Variants in BABAM2 observed in about 807,000 individuals in gnomAD.
The protein encoded by BABAM2 is BRISC and BRCA1-A complex member 2.
In BABAM2, 31 loss-of-function variants were observed where a neutral mutation model predicts 54.7. The ratio of observed to expected loss-of-function variants is 0.57; its 90% CI spans 0.43 to 0.77. The LOEUF is 0.77. Ranked by LOEUF, BABAM2 falls within the 30% of genes least tolerant of loss-of-function variation. The pLI is 0.00. For synonymous variants in BABAM2, 167 were observed against 162.9 expected, an observed-to-expected ratio of 1.03 and a Z score of -0.19; for missense variants, 364 against 455.8, an observed-to-expected ratio of 0.80 and a Z score of 1.83.
chr2:28,053,114 C>T (rs1678124189), intron 6 of BABAM2, among the ~76,000 whole-genome samples: 1 of 152,124 alleles, frequency 6.6e-6, no homozygotes, highest in Non-Finnish European at 1.5e-5. Context: ...TTTTTCAGCA[C>T]ATGTAAGATA....
At chr2:28,098,670 T>C (rs891274445) in intron 6 of BABAM2, among the ~76,000 whole-genome samples, 2 of 152,186 alleles carry the variant, frequency 1.3e-5, no homozygotes, top group African/African-American at 4.8e-5. Context: ...TGGATTAAGG[T>C]GTAAACGTGA....
intron 7 of BABAM2, among the ~76,000 whole-genome samples, chr2:28,192,423 T>C (rs1677022041): frequency 6.9e-6 from 1 of 145,838 alleles, no homozygotes; most frequent in Non-Finnish European, 1.5e-5. Context: ...TGTGCACATG[T>C]ACCCTGGAAC....
At chr2:27,973,213 A>G (rs1671352128) in intron 3 of BABAM2, among the ~76,000 whole-genome samples, 1 of 152,182 alleles carries the variant, frequency 6.6e-6, no homozygotes, top group Non-Finnish European at 1.5e-5. Context: ...ATTATCAGAC[A>G]TACTAAGAAG....
intron 5 of BABAM2, among the ~76,000 whole-genome samples, chr2:28,043,541 G>C (rs1677304094): frequency 6.6e-6 from 1 of 152,126 alleles, no homozygotes; most frequent in African/African-American, 2.4e-5. Flanking sequence ...TGGGCTAGGT[G>C]TCCCTTTTAT....
chr2:28,206,770 C>T (rs775759186), intron 7 of BABAM2, among the ~76,000 whole-genome samples: 22 of 152,216 alleles, frequency 1.4e-4, no homozygotes, highest in Non-Finnish European at 1.9e-4. Flanking sequence ...GACCCCAGTC[C>T]TACCTAACTA....
intron 6 of BABAM2, among the ~76,000 whole-genome samples, chr2:28,100,351 T>C (rs1028777599): frequency 1.3e-5 from 2 of 151,528 alleles, no homozygotes; most frequent in Non-Finnish European, 1.5e-5. Context: ...TCCCAGCTCC[T>C]TGGGAGGCTG....
intron 10 of BABAM2, among the ~76,000 whole-genome samples, chr2:28,294,850 T>C (rs560296777): frequency 1.3e-5 from 2 of 152,248 alleles, no homozygotes; most frequent in Non-Finnish European, 2.9e-5. Flanking sequence ...TGAAGTACTC[T>C]GACTGTTCCT....
chr2:28,258,936 C>G (rs1262254081), intron 10 of BABAM2, among the ~76,000 whole-genome samples: 1 of 151,306 alleles, frequency 6.6e-6, no homozygotes, highest in Non-Finnish European at 1.5e-5. Flanking sequence ...GCCACCACCC[C>G]CAGCTAATTT....
chr2:28,265,067 G>A (rs1336428012), intron 10 of BABAM2, among the ~76,000 whole-genome samples: 1 of 152,210 alleles, frequency 6.6e-6, no homozygotes, highest in African/African-American at 2.4e-5. Context: ...AGGAGTGGGA[G>A]TAAGGACTGT....
At chr2:27,973,086 T>G (rs1460269323) in intron 3 of BABAM2, among the ~76,000 whole-genome samples, 2 of 152,070 alleles carry the variant, frequency 1.3e-5, no homozygotes, top group African/African-American at 4.8e-5. Flanking sequence ...TAGCTTTAAT[T>G]ACCAGTTCTC....
chr2:28,081,074 C>T (rs1459883120), intron 6 of BABAM2, among the ~76,000 whole-genome samples: 1 of 152,134 alleles, frequency 6.6e-6, no homozygotes, highest in Non-Finnish European at 1.5e-5. Context: ...TCCTTCCTAG[C>T]AGTTGGTGAA....
At chr2:28,002,987 A>G (rs1390065783) in intron 4 of BABAM2, among the ~76,000 whole-genome samples, 2 of 152,156 alleles carry the variant, frequency 1.3e-5, no homozygotes, top group Non-Finnish European at 2.9e-5. Flanking sequence ...GCCAGTAGCT[A>G]AAGAGGGTAT....
chr2:28,090,453 A>G (rs1428313015), intron 6 of BABAM2, among the ~76,000 whole-genome samples: 1 of 152,114 alleles, frequency 6.6e-6, no homozygotes, highest in African/African-American at 2.4e-5. Flanking sequence ...CGTGTTGGCC[A>G]GGATAGTCTC....
chr2:28,302,325 G>A (rs1688172708), intron 11 of BABAM2, among the ~76,000 whole-genome samples: 1 of 151,844 alleles, frequency 6.6e-6, no homozygotes, highest in Admixed American at 6.6e-5. Context: ...GCTGAGGCAG[G>A]AGAATCTGTT....
chr2:27,983,833 T>C (rs1672189519), intron 3 of BABAM2, among the ~76,000 whole-genome samples: 1 of 151,980 alleles, frequency 6.6e-6, no homozygotes, highest in Non-Finnish European at 1.5e-5. Flanking sequence ...AAGCTGTTTA[T>C]TAGTTCTCAT....
chr2:28,146,493 A>T (rs1195850923), intron 7 of BABAM2, among the ~76,000 whole-genome samples: 1 of 152,254 alleles, frequency 6.6e-6, no homozygotes, highest in African/African-American at 2.4e-5. Context: ...TTCATATCCA[A>T]AATAAAGAAC....
chr2:28,298,520 G>A, intron 11 of BABAM2, 29 bp downstream of exon 11: 2 of 1,613,574 alleles, frequency 1.2e-6, no homozygotes, highest in Non-Finnish European at 1.7e-6. Context: ...ATTTCCAACA[G>A]GTAAGAGCAT....
At chr2:28,270,377 TC>T (rs1456808938) in intron 10 of BABAM2, among the ~76,000 whole-genome samples, 3 of 152,208 alleles carry the variant, frequency 2.0e-5, no homozygotes, top group Non-Finnish European at 4.4e-5. Flanking sequence ...TGCCACAGCC[TC>T]CCAAAGTGCT....
intron 7 of BABAM2, among the ~76,000 whole-genome samples, chr2:28,177,837 G>A (rs1201175709): frequency 6.6e-6 from 1 of 151,888 alleles, no homozygotes; most frequent in Non-Finnish European, 1.5e-5. Flanking sequence ...CAAACAAGCA[G>A]AAGTACTTAT....
Sources: gnomAD v4.1 joint callset for allele counts (sites outside exome capture counted in the v4.1 genomes callset) on GRCh38, gnomAD v4.1.1 for gene constraint, MANE v1.5 for transcripts, NCBI Gene and HGNC (gene_info 2026-07-23, HGNC 2026-07-21) for gene names.